Variants in SCFD2 observed in about 807,000 individuals in gnomAD.
SCFD2 encodes the protein sec1 family domain-containing protein 2.
In SCFD2, 54 loss-of-function variants were observed where a neutral mutation model predicts 58.9. That is an observed-to-expected ratio of 0.92 (90% CI 0.74 to 1.15). The LOEUF (loss-of-function observed/expected upper bound fraction) is 1.15. SCFD2 is among the 50% of genes most tolerant of loss of function. SCFD2 has a pLI of 0.00. For missense variants in SCFD2, 805 were observed against 836.6 expected (o/e 0.96, Z 0.47); for synonymous variants, 321 against 335.9 (o/e 0.96, Z 0.49).
chr4:52,924,194 T>G (rs1719810709), intron 5 of SCFD2, among the ~76,000 whole-genome samples: 1 of 152,222 alleles, frequency 6.6e-6, no homozygotes, highest in Non-Finnish European at 1.5e-5. Flanking sequence ...AAGTATGATA[T>G]TCATTCATTA....
At chr4:53,306,751 G>A (rs1198507238) in intron 3 of SCFD2, among the ~76,000 whole-genome samples, 1 of 152,234 alleles carries the variant, frequency 6.6e-6, no homozygotes, top group South Asian at 2.1e-4. Context: ...AAAAAGAGCT[G>A]TGTGTCCTTA....
chr4:53,349,941 A>C (rs1734164792), intron 2 of SCFD2, among the ~76,000 whole-genome samples: 1 of 152,122 alleles, frequency 6.6e-6, no homozygotes, highest in African/African-American at 2.4e-5. Flanking sequence ...ATAGGCCTCC[A>C]CCAAGTCTAA....
At chr4:53,154,606 T>G (rs1311110809) in intron 4 of SCFD2, among the ~76,000 whole-genome samples, 1 of 152,182 alleles carries the variant, frequency 6.6e-6, no homozygotes, top group Non-Finnish European at 1.5e-5. Context: ...AGCCATGGTG[T>G]GTGCAGGCTT....
At chr4:52,920,975 A>G (rs1337294149) in intron 5 of SCFD2, 105 bp from the exon 6 acceptor site, 2 of 434,360 alleles carry the variant, frequency 4.6e-6, no homozygotes, top group Non-Finnish European at 7.6e-6. Flanking sequence ...TTTTTTCTTT[A>G]TTATTATTAT....
chr4:53,216,812 C>T (rs1728856153), intron 4 of SCFD2, among the ~76,000 whole-genome samples: 1 of 152,160 alleles, frequency 6.6e-6, no homozygotes, highest in East Asian at 1.9e-4. Flanking sequence ...CTACACACTG[C>T]TTTGAATGTG....
intron 4 of SCFD2, among the ~76,000 whole-genome samples, chr4:53,229,045 T>A (rs1169326160): frequency 6.6e-6 from 1 of 152,070 alleles, no homozygotes; most frequent in Non-Finnish European, 1.5e-5. Flanking sequence ...ATAAAAAACC[T>A]AGGAATCCAC....
chr4:53,340,249 G>T (rs1237069788), intron 2 of SCFD2, among the ~76,000 whole-genome samples: 2 of 152,140 alleles, frequency 1.3e-5, no homozygotes, highest in Non-Finnish European at 2.9e-5. Context: ...GGAAAATCGG[G>T]TCACTCCCAC....
intron 7 of SCFD2, among the ~76,000 whole-genome samples, chr4:52,892,742 T>C (rs145305791): frequency 6.6e-6 from 1 of 152,160 alleles, no homozygotes; most frequent in Non-Finnish European, 1.5e-5. Context: ...TTCTTATCCA[T>C]CTCCTTAACA....
intron 3 of SCFD2, among the ~76,000 whole-genome samples, chr4:53,299,606 G>T (rs948324106): frequency 6.6e-6 from 1 of 151,672 alleles, no homozygotes; most frequent in Non-Finnish European, 1.5e-5. Flanking sequence ...ATACCACAAA[G>T]ATAATCCTCG....
At chr4:52,878,444 T>C (rs1396817083) in intron 8 of SCFD2, among the ~76,000 whole-genome samples, 4 of 152,344 alleles carry the variant, frequency 2.6e-5, no homozygotes, top group Admixed American at 1.3e-4. Context: ...ACATTTCACA[T>C]AGAGCATGAA....
At chr4:53,099,329 A>G (rs1724762068) in intron 5 of SCFD2, among the ~76,000 whole-genome samples, 1 of 152,204 alleles carries the variant, frequency 6.6e-6, no homozygotes, top group Non-Finnish European at 1.5e-5. Context: ...TTATCATTAC[A>G]TTCCTTTTAA....
intron 1 of SCFD2, among the ~76,000 whole-genome samples, chr4:53,356,431 A>G (rs986417245): frequency 2.0e-5 from 3 of 152,234 alleles, no homozygotes; most frequent in Admixed American, 6.5e-5. Context: ...TTGTAGACAT[A>G]TATAGAGAGA....
At chr4:53,052,556 G>T (rs1238723321) in intron 5 of SCFD2, among the ~76,000 whole-genome samples, 2 of 152,266 alleles carry the variant, frequency 1.3e-5, no homozygotes, top group African/African-American at 4.8e-5. Flanking sequence ...ATCTTCCCTT[G>T]AGATGTTTGC....
chr4:52,957,851 G>C (rs555694236), intron 5 of SCFD2: 2 of 152,208 alleles, frequency 1.3e-5, no homozygotes, highest in African/African-American at 4.8e-5. Flanking sequence ...TCAGACCGAG[G>C]TTATACTTAC....
At chr4:53,351,400 G>A (rs1734216267) in intron 2 of SCFD2, among the ~76,000 whole-genome samples, 1 of 152,136 alleles carries the variant, frequency 6.6e-6, no homozygotes, top group Non-Finnish European at 1.5e-5. Context: ...CCTGATACTT[G>A]TAGAAATTAT....
At position 53,040,478 on chromosome 4, in the gene SCFD2, T is replaced by A. The variant is rs375849513; in HGVS notation, c.1561+104855A>T. 1.8e-3 allele frequency among the ~76,000 whole-genome samples: 273 copies of A among 152,276 alleles called. 4 individuals carry two copies. In the South Asian group the frequency reaches 0.034, roughly 19 times the overall value. On this transcript the variant is annotated intron_variant, in intron 5 of 8. Coordinates refer to ENST00000401642, the MANE Select transcript of SCFD2 (RefSeq NM_152540.4). ...TCATTTGAATCAAAATTTAATGTCC[T>A]ACAATGCAATAAAAATGAAACAATG...
chr4:53,080,447 A>G (rs958600880), intron 5 of SCFD2, among the ~76,000 whole-genome samples: 4 of 152,188 alleles, frequency 2.6e-5, no homozygotes, highest in African/African-American at 9.6e-5. Flanking sequence ...TGTAGTATAA[A>G]CATTGAAGAC....
At chr4:52,883,949 C>T (rs1718676778) in intron 8 of SCFD2, among the ~76,000 whole-genome samples, 2 of 152,174 alleles carry the variant, frequency 1.3e-5, no homozygotes, top group Admixed American at 1.3e-4. Context: ...CCCATTCCTC[C>T]GTTGGGTGTC....
intron 5 of SCFD2, among the ~76,000 whole-genome samples, chr4:52,976,772 C>T (rs753165275): frequency 2.6e-5 from 4 of 152,176 alleles, no homozygotes; most frequent in Non-Finnish European, 5.9e-5. Flanking sequence ...CAGCACACCT[C>T]ATCACAGCTT....
Sources: allele counts gnomAD v4.1 joint callset (sites outside exome capture counted in the v4.1 genomes callset), GRCh38; gene constraint gnomAD v4.1.1; transcripts MANE v1.5; gene names NCBI Gene and HGNC (gene_info 2026-07-23, HGNC 2026-07-21).